AGO2: variants seen among roughly 807,000 people sequenced by gnomAD.
The protein encoded by AGO2 is argonaute RISC catalytic component 2.
A neutral mutation model predicts 102.3 loss-of-function variants in AGO2; 5 were observed. The observed-to-expected ratio is 0.05, with a 90% CI of 0.03 to 0.10. AGO2 has a LOEUF of 0.10. Ranked by LOEUF, AGO2 falls within the 10% of genes least tolerant of loss-of-function variation. The probability of loss-of-function intolerance (pLI) is 1.00; values close to 1 mark genes in which losing one functional copy is unlikely to be tolerated. For missense variants in AGO2, 541 were observed against 1,183.7 expected (o/e 0.46, Z 7.97); for synonymous variants, 449 against 473.1 (o/e 0.95, Z 0.66).
intron 1 of AGO2, among the ~76,000 whole-genome samples, chr8:140,603,611 G>A (rs1283437293): frequency 1.3e-5 from 2 of 152,220 alleles, no homozygotes; most frequent in Non-Finnish European, 2.9e-5. Context: ...CATTTCCAGA[G>A]GTGGAGCCAC....
intron 1 of AGO2, among the ~76,000 whole-genome samples, chr8:140,594,444 T>C (rs2133036351): frequency 6.6e-6 from 1 of 152,254 alleles, no homozygotes; most frequent in Admixed American, 6.5e-5. Flanking sequence ...ATTACAGGCA[T>C]GAGCCACCGT....
intron 7 of AGO2, among the ~76,000 whole-genome samples, chr8:140,558,111 C>G (rs182539684): frequency 3.9e-5 from 6 of 152,208 alleles, no homozygotes; most frequent in Admixed American, 3.9e-4. Flanking sequence ...GTGCTCTTGC[C>G]GTAATGATGG....
chr8:140,532,382 C>T, intron 18 of AGO2, 34 bp downstream of exon 18: 1 of 1,593,368 alleles, frequency 6.3e-7, no homozygotes, highest in Non-Finnish European at 8.6e-7. Flanking sequence ...AAAAACCACC[C>T]CTGCTGTGAC....
intron 1 of AGO2, among the ~76,000 whole-genome samples, chr8:140,614,892 C>T (rs2074121406): frequency 6.6e-6 from 1 of 152,220 alleles, no homozygotes; most frequent in African/African-American, 2.4e-5. Flanking sequence ...TGAGAACTCA[C>T]TCTAACCGCT....
chr8:140,561,138 G>A (rs767772267), intron 4 of AGO2, among the ~76,000 whole-genome samples: 9 of 152,230 alleles, frequency 5.9e-5, no homozygotes, highest in South Asian at 2.1e-4. Flanking sequence ...GCGCTGACCC[G>A]GCTGGAGCTA....
rs1389891222 is a variant in AGO2 at position 140,567,652 on chromosome 8, C to T, written c.337-5018G>A. ...TAATAGAAAATGTCAGCCCAGGACT[C>T]GATCCAAGGCCTGGAGCACGGCGAG... On this transcript the variant is annotated intron_variant, in intron 3 of 18. Coordinates refer to ENST00000220592, the MANE Select transcript of AGO2 (RefSeq NM_012154.5). The surrounding 1 kb of genome is among the most constrained non-coding windows in gnomAD (Gnocchi z 5.0). Among the ~76,000 whole-genome samples the T allele has an allele frequency of 1.3e-5, 2 of 152,182 alleles. No individual in the cohort carries two copies. The highest frequency in any genetic ancestry group is 2.4e-5 in the African/African-American group (1 of 41,448).
intron 1 of AGO2, among the ~76,000 whole-genome samples, chr8:140,634,678 G>A (rs1276966324): frequency 6.6e-6 from 1 of 152,234 alleles, no homozygotes; most frequent in African/African-American, 2.4e-5. Flanking sequence ...GGGTGCTACA[G>A]GAATCCACCT....
chr8:140,568,214 G>A (rs1328616975), intron 3 of AGO2, among the ~76,000 whole-genome samples: 1 of 150,442 alleles, frequency 6.6e-6, no homozygotes, highest in Non-Finnish European at 1.5e-5. Context: ...AGCCTGGGAG[G>A]TGGAGGTTAC....
chr8:140,533,633 A>AC (rs963198863), intron 17 of AGO2, among the ~76,000 whole-genome samples: 14 of 151,808 alleles, frequency 9.2e-5, no homozygotes, highest in African/African-American at 3.1e-4. Context: ...ATGGCAAAAC[A>AC]CCATCTCTAC....
chr8:140,601,865 C>T (rs1308674421), intron 1 of AGO2, among the ~76,000 whole-genome samples: 6 of 152,162 alleles, frequency 3.9e-5, no homozygotes, highest in Admixed American at 1.3e-4. Context: ...GGTGGGTTTA[C>T]GTGATAGGCA....
At chr8:140,620,235 G>A (rs1236929972) in intron 1 of AGO2, among the ~76,000 whole-genome samples, 1 of 152,158 alleles carries the variant, frequency 6.6e-6, no homozygotes, top group Non-Finnish European at 1.5e-5. Flanking sequence ...TCCAGAAAAT[G>A]GCCATTAGTC....
At chr8:140,572,266 G>T (rs2073390538) in intron 3 of AGO2, 1 of 152,248 alleles carries the variant, frequency 6.6e-6, no homozygotes. Context: ...TCTAATTTCA[G>T]ATGAGTCACT....
At chr8:140,621,015 C>T (rs1029208594) in intron 1 of AGO2, among the ~76,000 whole-genome samples, 1 of 152,158 alleles carries the variant, frequency 6.6e-6, no homozygotes, top group Non-Finnish European at 1.5e-5. Context: ...TGGGTTCAAG[C>T]GATCTCCCTG....
At chr8:140,560,731 G>C (rs1298026077) in intron 4 of AGO2, among the ~76,000 whole-genome samples, 2 of 152,244 alleles carry the variant, frequency 1.3e-5, no homozygotes, top group Non-Finnish European at 2.9e-5. Flanking sequence ...GGCCTCACTG[G>C]GGGATGGTGA....
At chr8:140,639,635 T>C (rs1275192613), upstream of AGO2, among the ~76,000 whole-genome samples, 1 of 151,904 alleles carries the variant, frequency 6.6e-6, no homozygotes, top group Non-Finnish European at 1.5e-5. Context: ...TAGCTGAACA[T>C]GGTGGCACAC....
intron 1 of AGO2, among the ~76,000 whole-genome samples, chr8:140,603,346 T>C (rs2073956261): frequency 6.6e-6 from 1 of 152,182 alleles, no homozygotes; most frequent in Non-Finnish European, 1.5e-5. Flanking sequence ...GGAGGAGGGA[T>C]CCAGGGCCAG....
At chr8:140,597,626 A>G (rs1345949389) in intron 1 of AGO2, among the ~76,000 whole-genome samples, 3 of 150,802 alleles carry the variant, frequency 2.0e-5, no homozygotes, top group African/African-American at 7.3e-5. Flanking sequence ...CTTCAGCCTC[A>G]CTCCTGTCAG....
chr8:140,602,852 G>C (rs966408544), intron 1 of AGO2, among the ~76,000 whole-genome samples: 13 of 152,138 alleles, frequency 8.5e-5, no homozygotes, highest in Non-Finnish European at 1.9e-4. Context: ...AAATATCCAG[G>C]AGTGTTTGCT....
chr8:140,610,514 T>C (rs1054570823), intron 1 of AGO2, among the ~76,000 whole-genome samples: 1 of 152,214 alleles, frequency 6.6e-6, no homozygotes, highest in East Asian at 1.9e-4. Context: ...CCACCGTGCC[T>C]GGCCAGAGGC....
Sources: gnomAD v4.1 joint callset for allele counts (sites outside exome capture counted in the v4.1 genomes callset) on GRCh38, gnomAD v4.1.1 for gene constraint, Gnocchi (gnomAD v3.1) non-coding constraint, MANE v1.5 for transcripts, NCBI Gene and HGNC (gene_info 2026-07-23, HGNC 2026-07-21) for gene names.